Variants in TAF4 observed in about 807,000 individuals in gnomAD.
TAF4 encodes the protein transcription initiation factor TFIID subunit 4.
Under a neutral mutation model 90.3 loss-of-function variants are expected in TAF4, and 9 were observed. The ratio of observed to expected loss-of-function variants is 0.10; its 90% confidence interval spans 0.06 to 0.17. TAF4 has a LOEUF of 0.17. Among genes scored for constraint, TAF4 ranks in the 10% least tolerant of loss-of-function variants. The pLI, the probability that TAF4 is intolerant of heterozygous loss-of-function variation, is 1.00. For missense variants in TAF4, 1,351 were observed against 1,370.7 expected (o/e 0.99, Z 0.23); for synonymous variants, 818 against 638.9 (o/e 1.28, Z -4.23).
chr20:62,019,734 C>G (rs1217601768), intron 1 of TAF4, among the ~76,000 whole-genome samples: 2 of 152,184 alleles, frequency 1.3e-5, no homozygotes, highest in Non-Finnish European at 2.9e-5. Context: ...GTGAGTGAAT[C>G]CCACCCTCCC....
At chr20:62,044,654 CAAGT>C (rs1361354177) in intron 1 of TAF4, among the ~76,000 whole-genome samples, 2 of 152,188 alleles carry the variant, frequency 1.3e-5, no homozygotes, top group African/African-American at 4.8e-5. Context: ...TAGCAGAAGC[CAAGT>C]AAGTAAATAT....
intron 9 of TAF4, among the ~76,000 whole-genome samples, chr20:62,001,018 G>T (rs1193951147): frequency 1.3e-5 from 2 of 152,364 alleles, no homozygotes; most frequent in East Asian, 3.9e-4. Context: ...AGCAGCGCGG[G>T]GACTTGTGGG....
chr20:62,041,404 C>T (rs1186987114), intron 1 of TAF4, among the ~76,000 whole-genome samples: 1 of 152,114 alleles, frequency 6.6e-6, no homozygotes, highest in Non-Finnish European at 1.5e-5. Flanking sequence ...TAACAGACGG[C>T]ATACATGACG....
intron 3 of TAF4, chr20:62,012,229 T>TGGCAGCGTGGCGTGGCA (rs2055783260): frequency 6.6e-6 from 1 of 152,374 alleles, no homozygotes. Context: ...GAGCGGCAGG[T>TGGCAGCGTGGCGTGGCA]GGCAGCGTGG....
intron 1 of TAF4, among the ~76,000 whole-genome samples, chr20:62,064,073 C>T (rs1052686305): frequency 6.6e-6 from 1 of 152,256 alleles, no homozygotes; most frequent in Admixed American, 6.5e-5. Context: ...CTCTGCAGAC[C>T]CCATCGCCTG....
intron 1 of TAF4, among the ~76,000 whole-genome samples, chr20:62,051,649 G>A (rs182955279): frequency 6.6e-6 from 1 of 151,732 alleles, no homozygotes; most frequent in Admixed American, 6.6e-5. Context: ...CATCCGCTCG[G>A]TGACCCCCAC....
intron 9 of TAF4, among the ~76,000 whole-genome samples, chr20:62,001,022 T>A (rs1357631674): frequency 6.6e-6 from 1 of 152,222 alleles, no homozygotes; most frequent in African/African-American, 2.4e-5. Context: ...GCGCGGGGAC[T>A]TGTGGGGGTC....
At chr20:62,063,887 T>A (rs1487481395) in intron 1 of TAF4, among the ~76,000 whole-genome samples, 1 of 152,184 alleles carries the variant, frequency 6.6e-6, no homozygotes, top group Non-Finnish European at 1.5e-5. Flanking sequence ...CATCCAGAGT[T>A]CCCGAGCCTC....
intron 1 of TAF4, among the ~76,000 whole-genome samples, chr20:62,049,767 TC>T (rs2056015743): frequency 6.6e-6 from 1 of 151,742 alleles, no homozygotes; most frequent in South Asian, 2.1e-4. Context: ...AGCCCGGGTT[TC>T]TAGCCCCAGG....
intron 1 of TAF4, among the ~76,000 whole-genome samples, chr20:62,029,195 C>CAAA (rs917455667): frequency 3.2e-5 from 2 of 62,756 alleles, no homozygotes; most frequent in Non-Finnish European, 3.5e-5. Context: ...GACTCTGTCT[C>CAAA]AAAAAAAAAA....
chr20:62,003,269 C>A lies in TAF4; in HGVS notation c.2377G>T (p.Val793Leu). The change falls in exon 9 of 15, where the codon GTG (valine) becomes TTG (leucine). Residue 793 changes from valine to leucine, a missense_variant. This residue lies in a region of TAF4 where 202 missense variants were observed against 229.7 expected (regional missense o/e 0.88). Transcript: ENST00000252996. ...IQLNPLQPVP[V>L]VKPAVLPGTK... is the part of the protein sequence containing the mutation. The stretch of plus-strand genomic sequence containing the variant: ...CCAGGTAACACGGCGGGTTTCACCA[C>A]AGGGACTACAAAACAAACACACAGT... 1 of 1,613,664 alleles carries A rather than the reference C, an allele frequency of 6.2e-7. No individual in the cohort carries two copies. Among genetic ancestry groups the A allele is most frequent in the Non-Finnish European group, 8.5e-7 (1 of 1,179,574 alleles).
chr20:62,001,275 CCGG>C (rs2055700616), intron 9 of TAF4, among the ~76,000 whole-genome samples: 1 of 152,112 alleles, frequency 6.6e-6, no homozygotes, highest in Non-Finnish European at 1.5e-5. Flanking sequence ...CCCGTAGGAC[CCGG>C]TCCCAGCAGC....
intron 9 of TAF4, 121 bp downstream of exon 9, chr20:62,003,039 T>C (rs919834942): frequency 1.4e-6 from 1 of 710,460 alleles, no homozygotes; most frequent in Non-Finnish European, 2.4e-6. Context: ...GCAGGAGCCT[T>C]GGAGCCCCGG....
At chr20:61,982,600 A>G (rs1470754694) in intron 14 of TAF4, among the ~76,000 whole-genome samples, 1 of 126,470 alleles carries the variant, frequency 7.9e-6, no homozygotes, top group East Asian at 2.4e-4. Flanking sequence ...ACCCGAGAGG[A>G]GACACCAAAC....
intron 14 of TAF4, among the ~76,000 whole-genome samples, chr20:61,986,037 C>A (rs1279123233): frequency 1.5e-5 from 2 of 132,016 alleles, no homozygotes; most frequent in African/African-American, 5.6e-5. Flanking sequence ...AAAGGAAACA[C>A]CATCCCCCAT....
chr20:62,057,443 G>A (rs181603150), intron 1 of TAF4, among the ~76,000 whole-genome samples: 38 of 152,326 alleles, frequency 2.5e-4, no homozygotes, highest in Admixed American at 3.9e-4. Flanking sequence ...AACTGTTTCT[G>A]GGGTTTCCTG....
intron 14 of TAF4, among the ~76,000 whole-genome samples, chr20:61,981,632 A>G (rs977382466): frequency 6.6e-6 from 1 of 152,172 alleles, no homozygotes; most frequent in African/African-American, 2.4e-5. Flanking sequence ...ATCGAGACAC[A>G]GAAAGGAGGA....
rs2055589818 is a variant in TAF4 at position 61,986,030 on chromosome 20, GGAAA to G, written c.3091-9699_3091-9696del. 7.0e-5 allele frequency among the ~76,000 whole-genome samples: 9 copies of G among 128,392 alleles called. No homozygotes were observed. In the East Asian group the frequency reaches 1.1e-3, roughly 15 times the overall value. 84.2% of individuals were successfully genotyped at this position (128,392 alleles called of 152,430 possible). A position where few individuals can be genotyped will look rare whatever the true frequency, so the allele number is the denominator to read the frequency against. ...AAAGGAAACACCATCCCCCATCAAA[GGAAA>G]CACCATCCCCCATCAAAGGAAACAC... On this transcript the variant is annotated intron_variant, in intron 14 of 14. Coordinates refer to ENST00000252996, the MANE Select transcript of TAF4 (RefSeq NM_003185.4).
chr20:61,992,936 T>G (rs1442360309), intron 14 of TAF4, among the ~76,000 whole-genome samples: 1 of 151,996 alleles, frequency 6.6e-6, no homozygotes, highest in African/African-American at 2.4e-5. Flanking sequence ...GTCCTTGAGA[T>G]CACAACGGTA....
Sources: allele counts gnomAD v4.1 joint callset (sites outside exome capture counted in the v4.1 genomes callset), GRCh38; gene constraint gnomAD v4.1.1; regional missense constraint gnomAD v4.1.1; transcripts MANE v1.5; gene names NCBI Gene and HGNC (gene_info 2026-07-23, HGNC 2026-07-21).